Variants in DIP2C observed in about 807,000 individuals in gnomAD.
DIP2C encodes DIP2 acetate--CoA ligase C (putative).
In DIP2C, 33 loss-of-function variants were observed where a neutral mutation model predicts 192.4. That is an observed-to-expected ratio of 0.17 (90% confidence interval 0.13 to 0.23). The LOEUF (loss-of-function observed/expected upper bound fraction) is 0.23. Among genes scored for constraint, DIP2C ranks in the 10% least tolerant of loss-of-function variants. The pLI is 1.00. For synonymous variants in DIP2C, 979 were observed against 864.1 expected (o/e 1.13, Z -2.33); for missense variants, 1,537 against 2,110.1 (o/e 0.73, Z 5.32).
At chr10:554,162 G>C (rs1848727088) in intron 1 of DIP2C, among the ~76,000 whole-genome samples, 1 of 152,030 alleles carries the variant, frequency 6.6e-6, no homozygotes, top group Admixed American at 6.5e-5. Context: ...GTAACTAAGA[G>C]TGGTGAACAA....
At chr10:508,300 C>T (rs756917110) in intron 1 of DIP2C, among the ~76,000 whole-genome samples, 6 of 152,182 alleles carry the variant, frequency 3.9e-5, no homozygotes, top group African/African-American at 9.6e-5. Context: ...CTCCGGTGCC[C>T]GTGCAGCCTG....
chr10:553,797 G>C (rs866795364), intron 1 of DIP2C, among the ~76,000 whole-genome samples: 2 of 152,004 alleles, frequency 1.3e-5, no homozygotes, highest in South Asian at 2.1e-4. Context: ...TATACCGCTT[G>C]TAACTGTAAG....
At chr10:486,059 G>A (rs1424698311) in intron 2 of DIP2C, among the ~76,000 whole-genome samples, 1 of 152,190 alleles carries the variant, frequency 6.6e-6, no homozygotes, top group African/African-American at 2.4e-5. Flanking sequence ...AGTCCTGGGC[G>A]GGGTATCACA....
chr10:348,371 G>A (rs969304192), intron 26 of DIP2C, among the ~76,000 whole-genome samples: 3 of 152,240 alleles, frequency 2.0e-5, no homozygotes, highest in Non-Finnish European at 4.4e-5. Context: ...GAGGAATGGT[G>A]GTGATGCCCT....
chr10:580,690 C>T (rs1850586680), intron 1 of DIP2C, among the ~76,000 whole-genome samples: 1 of 152,070 alleles, frequency 6.6e-6, no homozygotes, highest in Non-Finnish European at 1.5e-5. Flanking sequence ...CAGAACAGGC[C>T]ATGAATATTA....
chr10:476,459 G>A (rs972663543), intron 2 of DIP2C, among the ~76,000 whole-genome samples: 1 of 152,182 alleles, frequency 6.6e-6, no homozygotes, highest in Non-Finnish European at 1.5e-5. Flanking sequence ...TGCAGCCCTG[G>A]CCTAAGCATT....
intron 1 of DIP2C, among the ~76,000 whole-genome samples, chr10:548,883 G>A (rs974236501): frequency 3.9e-5 from 4 of 103,094 alleles, no homozygotes; most frequent in Non-Finnish European, 7.3e-5. Context: ...CCAAAGAACA[G>A]TGCATTGCAG....
intron 2 of DIP2C, among the ~76,000 whole-genome samples, chr10:484,397 A>C (rs1843842957): frequency 6.6e-6 from 1 of 152,226 alleles, no homozygotes; most frequent in African/African-American, 2.4e-5. Flanking sequence ...CAGATCTCAG[A>C]GGCCAAGACC....
chr10:298,303 T>C (rs1589418367), intron 32 of DIP2C, among the ~76,000 whole-genome samples: 2 of 152,164 alleles, frequency 1.3e-5, no homozygotes, highest in Non-Finnish European at 1.5e-5. Context: ...TTGTCTAACA[T>C]TGTTCATGGG....
intron 1 of DIP2C, among the ~76,000 whole-genome samples, chr10:534,437 A>G (rs1345382673): frequency 6.6e-6 from 1 of 152,234 alleles, no homozygotes; most frequent in African/African-American, 2.4e-5. Flanking sequence ...CTTATAGTGA[A>G]GAAATCCTTC....
intron 1 of DIP2C, among the ~76,000 whole-genome samples, chr10:639,118 G>A (rs1004801508): frequency 5.3e-5 from 8 of 151,414 alleles, no homozygotes; most frequent in Admixed American, 4.6e-4. Flanking sequence ...GATGCTGCCC[G>A]GCTCACAGTC....
chr10:623,958 T>G (rs1854038786), intron 1 of DIP2C, among the ~76,000 whole-genome samples: 1 of 152,216 alleles, frequency 6.6e-6, no homozygotes, highest in Admixed American at 6.5e-5. Context: ...CCTTCTGAGT[T>G]TTCATCTGGA....
At chr10:326,653 C>G (rs749842002) in intron 31 of DIP2C, among the ~76,000 whole-genome samples, 1 of 152,274 alleles carries the variant, frequency 6.6e-6, no homozygotes, top group East Asian at 1.9e-4. Context: ...CTACAGCGAT[C>G]GTCTACACGC....
chr10:517,781 G>A (rs541023359), intron 1 of DIP2C, among the ~76,000 whole-genome samples: 1 of 151,588 alleles, frequency 6.6e-6, no homozygotes, highest in East Asian at 1.9e-4. Flanking sequence ...CCCTCTCTGT[G>A]ATAATATAAA....
chr10:538,962 G>A (rs1773490), intron 1 of DIP2C, among the ~76,000 whole-genome samples: 5 of 148,676 alleles, frequency 3.4e-5, no homozygotes, highest in African/African-American at 1.0e-4. Context: ...ATGTCATTCC[G>A]TGTGTTCTGT....
intron 1 of DIP2C, among the ~76,000 whole-genome samples, chr10:644,478 G>A (rs996463373): frequency 3.3e-5 from 5 of 152,412 alleles, no homozygotes; most frequent in Non-Finnish European, 4.4e-5. Flanking sequence ...CTGCAGGCGC[G>A]TCCTGGGAGC....
intron 1 of DIP2C, among the ~76,000 whole-genome samples, chr10:556,362 C>T (rs149791675): frequency 1.3e-4 from 12 of 90,774 alleles, no homozygotes; most frequent in African/African-American, 5.2e-4. Flanking sequence ...CCTCCCACAG[C>T]CGGATCCCAG....
intron 30 of DIP2C, among the ~76,000 whole-genome samples, chr10:329,031 C>G (rs1311460468): frequency 6.6e-6 from 1 of 152,128 alleles, no homozygotes; most frequent in African/African-American, 2.4e-5. Flanking sequence ...ATCAGGGTCT[C>G]CAGGGAAAAT....
At chr10:296,090 A>G (rs1258747146) in intron 32 of DIP2C, among the ~76,000 whole-genome samples, 1 of 152,158 alleles carries the variant, frequency 6.6e-6, no homozygotes, top group Non-Finnish European at 1.5e-5. Flanking sequence ...CTCTGATGGT[A>G]GTTTCTTTTG....
Sources: gnomAD v4.1 joint callset for allele counts (sites outside exome capture counted in the v4.1 genomes callset) on GRCh38, gnomAD v4.1.1 for gene constraint, MANE v1.5 for transcripts, NCBI Gene and HGNC (gene_info 2026-07-23, HGNC 2026-07-21) for gene names.